Variants in GALNT17 observed in about 807,000 individuals in gnomAD.
GALNT17 encodes the protein polypeptide N-acetylgalactosaminyltransferase 17.
In GALNT17, 29 loss-of-function variants were observed where a neutral mutation model predicts 63.7. The ratio of observed to expected loss-of-function variants is 0.46; its 90% CI spans 0.34 to 0.62. GALNT17 has a LOEUF of 0.62. Among genes scored for constraint, GALNT17 ranks in the 20% least tolerant of loss-of-function variants. GALNT17 has a pLI of 0.01. For missense variants in GALNT17, 603 were observed against 799.6 expected, an observed-to-expected ratio of 0.75 and a Z score of 2.97; for synonymous variants, 305 against 318.3, an observed-to-expected ratio of 0.96 and a Z score of 0.45.
intron 1 of GALNT17, among the ~76,000 whole-genome samples, chr7:71,323,348 A>G (rs1791649985): frequency 6.6e-6 from 1 of 152,074 alleles, no homozygotes; most frequent in East Asian, 1.9e-4. Context: ...TTCTGCACCA[A>G]ATGGGGTTGT....
intron 5 of GALNT17, among the ~76,000 whole-genome samples, chr7:71,455,085 A>G (rs1436604159): frequency 6.6e-6 from 1 of 152,012 alleles, no homozygotes; most frequent in Middle Eastern, 3.4e-3. Context: ...GGCCCATTAC[A>G]TGAGCCTGGG....
At chr7:71,166,912 C>G (rs981005009) in intron 1 of GALNT17, among the ~76,000 whole-genome samples, 5 of 151,834 alleles carry the variant, frequency 3.3e-5, no homozygotes, top group African/African-American at 9.7e-5. Flanking sequence ...TTTTAAAAGA[C>G]AAAGTTTTGT....
chr7:71,364,667 A>T (rs1792468779), intron 2 of GALNT17, among the ~76,000 whole-genome samples: 2 of 152,130 alleles, frequency 1.3e-5, no homozygotes, highest in African/African-American at 2.4e-5. Flanking sequence ...TGTCTTAGGG[A>T]GAAAAGAGGG....
At chr7:71,190,655 G>A (rs950320525) in intron 1 of GALNT17, among the ~76,000 whole-genome samples, 19 of 151,976 alleles carry the variant, frequency 1.3e-4, no homozygotes, top group African/African-American at 1.7e-4. Flanking sequence ...TTTTTGAGAC[G>A]GGGTCTTGCT....
At chr7:71,641,504 A>G (rs556298501) in intron 6 of GALNT17, among the ~76,000 whole-genome samples, 72 of 152,254 alleles carry the variant, frequency 4.7e-4, no homozygotes, top group Middle Eastern at 3.4e-3. Flanking sequence ...TGTGTCTGGT[A>G]AGGGCCCACT....
At chr7:71,527,862 C>G (rs1212004023) in intron 5 of GALNT17, among the ~76,000 whole-genome samples, 1 of 152,178 alleles carries the variant, frequency 6.6e-6, no homozygotes, top group Non-Finnish European at 1.5e-5. Context: ...GAGACACACC[C>G]TGCACATTTG....
intron 1 of GALNT17, among the ~76,000 whole-genome samples, chr7:71,160,710 C>T (rs12531756): frequency 0.3 from 46,072 of 152,036 alleles, 7,454 homozygotes; most frequent in Non-Finnish European, 0.36. Context: ...CTGCCTGCCT[C>T]GGCCCCCCAA....
At chr7:71,620,791 T>C (rs1790278547) in intron 6 of GALNT17, among the ~76,000 whole-genome samples, 1 of 152,242 alleles carries the variant, frequency 6.6e-6, no homozygotes, top group South Asian at 2.1e-4. Flanking sequence ...GCCTTGTCAG[T>C]GTCAAGTTTC....
intron 5 of GALNT17, among the ~76,000 whole-genome samples, chr7:71,525,195 A>G (rs1430689690): frequency 1.3e-5 from 2 of 152,006 alleles, no homozygotes; most frequent in African/African-American, 4.8e-5. Context: ...TTGTTTCGAG[A>G]TGGAGTCTCG....
intron 1 of GALNT17, among the ~76,000 whole-genome samples, chr7:71,159,862 A>G (rs907448145): frequency 6.6e-6 from 1 of 151,072 alleles, no homozygotes. Flanking sequence ...GCTCACTGCA[A>G]CCTCCACTTT....
chr7:71,609,295 T>G (rs1489831441), intron 6 of GALNT17, among the ~76,000 whole-genome samples: 1 of 152,200 alleles, frequency 6.6e-6, no homozygotes, highest in Non-Finnish European at 1.5e-5. Context: ...GGGAGTCGGG[T>G]ACCATAGACC....
intron 6 of GALNT17, among the ~76,000 whole-genome samples, chr7:71,597,902 C>G (rs1789911362): frequency 6.6e-6 from 1 of 152,080 alleles, no homozygotes; most frequent in African/African-American, 2.4e-5. Flanking sequence ...TTCACTTTTT[C>G]TCATGATCCC....
chr7:71,358,343 C>T (rs978262183), intron 2 of GALNT17, among the ~76,000 whole-genome samples: 6 of 152,162 alleles, frequency 3.9e-5, no homozygotes, highest in Non-Finnish European at 7.3e-5. Context: ...TGTAGTGAGT[C>T]GAGATTGCGC....
In GALNT17 at chr7:71,621,501, AGATGGATG is replaced by A. The variant is rs71816496; in HGVS notation, c.1081-43882_1081-43875del. ...TGGATGAATGGATGGATTGATGGAT[AGATGGATG>A]GATGGATGGATGGATGGATGGATGG... On this transcript the variant is annotated intron_variant, in intron 6 of 10. Transcript: ENST00000333538. Among the ~76,000 whole-genome samples, 364 of 42,534 alleles carry A rather than the reference AGATGGATG, an allele frequency of 8.6e-3. 4 individuals are homozygous for A. The highest frequency in any genetic ancestry group is 0.043 in the Middle Eastern group (2 of 46). The allele number at this position is 42,534 out of a possible 152,430, so 27.9% of individuals were successfully genotyped here.
chr7:71,501,514 G>A (rs572830936), intron 5 of GALNT17, among the ~76,000 whole-genome samples: 70 of 152,164 alleles, frequency 4.6e-4, no homozygotes, highest in African/African-American at 1.5e-3. Context: ...GTGATCCTCC[G>A]GCCATAACCT....
intron 1 of GALNT17, among the ~76,000 whole-genome samples, chr7:71,202,928 T>G (rs10237330): frequency 0.085 from 12,923 of 152,282 alleles, 654 homozygotes; most frequent in East Asian, 0.21. Context: ...TCATTCACGT[T>G]GTTGCAAATG....
At chr7:71,194,717 C>G (rs1789014436) in intron 1 of GALNT17, among the ~76,000 whole-genome samples, 1 of 152,144 alleles carries the variant, frequency 6.6e-6, no homozygotes, top group Non-Finnish European at 1.5e-5. Context: ...TCTTCTTTCT[C>G]CCTTCCAGCT....
At chr7:71,205,991 G>T (rs993104339) in intron 1 of GALNT17, among the ~76,000 whole-genome samples, 2 of 151,294 alleles carry the variant, frequency 1.3e-5, no homozygotes, top group East Asian at 1.9e-4. Context: ...ACTGCATGTA[G>T]TCATATGGGT....
chr7:71,156,753 C>G (rs898618014), intron 1 of GALNT17, among the ~76,000 whole-genome samples: 1 of 150,290 alleles, frequency 6.7e-6, no homozygotes, highest in African/African-American at 2.5e-5. Context: ...CTCTGTTGCC[C>G]AGGCTCACTG....
Sources: allele counts gnomAD v4.1 joint callset (sites outside exome capture counted in the v4.1 genomes callset), GRCh38; gene constraint gnomAD v4.1.1; transcripts MANE v1.5; gene names NCBI Gene and HGNC (gene_info 2026-07-23, HGNC 2026-07-21).